Variants in PREX1 observed in about 807,000 individuals in gnomAD.
The protein encoded by PREX1 is phosphatidylinositol 3,4,5-trisphosphate-dependent Rac exchanger 1 protein.
In PREX1, 41 loss-of-function variants were observed where a neutral mutation model predicts 198.3. That is an observed-to-expected ratio of 0.21 (90% CI 0.16 to 0.27). The LOEUF is 0.27. PREX1 is among the 10% of genes least tolerant of loss of function. The pLI, the probability that PREX1 is intolerant of heterozygous loss-of-function variation, is 1.00. For missense variants in PREX1, 1,620 were observed against 2,200.7 expected (o/e 0.74, Z 5.28); for synonymous variants, 843 against 887.2 (o/e 0.95, Z 0.89).
At chr20:48,635,178 T>C (rs1456788904) in intron 32 of PREX1, among the ~76,000 whole-genome samples, 6 of 152,114 alleles carry the variant, frequency 3.9e-5, no homozygotes, top group African/African-American at 1.2e-4. Flanking sequence ...ATCCAAACCT[T>C]TGACTTCTCA....
chr20:48,885,771 TA>T, the PREX1 span, among the ~76,000 whole-genome samples: 2 of 152,076 alleles, frequency 1.3e-5, no homozygotes, highest in African/African-American at 4.8e-5. Flanking sequence ...GGAGGAAACT[TA>T]AATGCATATT....
intron 8 of PREX1, 117 bp downstream of exon 8, chr20:48,692,555 T>C (rs2089824745): frequency 1.2e-6 from 1 of 816,758 alleles, no homozygotes; most frequent in Admixed American, 2.6e-5. Context: ...GGCACTTTTC[T>C]GTAGGTAGAT....
intron 7 of PREX1, among the ~76,000 whole-genome samples, chr20:48,693,025 C>T (rs758603949): frequency 1.3e-5 from 2 of 152,170 alleles, no homozygotes; most frequent in Non-Finnish European, 2.9e-5. Context: ...GCTGACCCCA[C>T]AAAGCTACTT....
At chr20:48,707,132 G>A (rs759266619) in intron 6 of PREX1, among the ~76,000 whole-genome samples, 6 of 152,196 alleles carry the variant, frequency 3.9e-5, no homozygotes, top group Non-Finnish European at 7.3e-5. Context: ...CTCTTCTAAC[G>A]TTACCACGGA....
chr20:48,883,037 G>T, the PREX1 span, among the ~76,000 whole-genome samples: 1 of 150,864 alleles, frequency 6.6e-6, no homozygotes, highest in Non-Finnish European at 1.5e-5. Context: ...GGGTTCAAGC[G>T]ACTCTCTTGC....
At chr20:48,875,455 G>T in the PREX1 span, among the ~76,000 whole-genome samples, 1 of 152,250 alleles carries the variant, frequency 6.6e-6, no homozygotes, top group Middle Eastern at 3.4e-3. Flanking sequence ...GGAAAGGTGT[G>T]ACATGACCAC....
At chr20:48,796,305 TA>T (rs869122867) in intron 1 of PREX1, among the ~76,000 whole-genome samples, 5,855 of 133,864 alleles carry the variant, frequency 0.044, 298 homozygotes, top group African/African-American at 0.13. Flanking sequence ...TAATAATAAT[TA>T]AAAAAAAAAA....
At position 48,692,663 on chromosome 20, in the gene PREX1, A is replaced by AGG; in HGVS notation, c.1036+7_1036+8dup. ...GGCAGGGCTCAGGCAAGGCTGGGGG[A>AGG]GGGGCTACCTGTCCCATCTTCCACA... On this transcript the variant is annotated intron_variant, in intron 8 of 39. Transcript: ENST00000371941. 6.2e-7 allele frequency: 1 copy of AGG among 1,608,364 alleles called. No individual in the cohort carries two copies. The highest frequency in any genetic ancestry group is 8.5e-7 in the Non-Finnish European group (1 of 1,174,958).
chr20:48,632,745 G>T lies in PREX1; in HGVS notation c.4268-106C>A, dbSNP rs1181701320. The T allele has an allele frequency of 1.7e-5, 22 of 1,293,362 alleles. 1 individual carries two copies. The highest frequency in any genetic ancestry group is 2.2e-5 in the Non-Finnish European group (20 of 923,816). The allele number at this position is 1,293,362 out of a possible 1,614,324, so 80.1% of individuals were successfully genotyped here. A position where few individuals can be genotyped will look rare whatever the true frequency, so the allele number is the denominator to read the frequency against. On this transcript the variant is annotated intron_variant, in intron 33 of 39. Transcript: ENST00000371941. The stretch of plus-strand genomic sequence containing the variant: ...TGGCACCTCCCTGCCCCCAGGTCCA[G>T]GGGGGCACCCTGGGACCTCCCTGTT...
rs1031083466 is a variant in PREX1, at chr20:48,827,793, C to T, written c.68G>A (p.Arg23Gln). The change falls in exon 1 of 40, where the codon CGG becomes CAG. Residue 23 changes from arginine to glutamine, a missense_variant. Arg to Gln is a conservative substitution (Grantham distance 43). This residue lies in a region of PREX1 where 96 missense variants were observed against 98.7 expected (regional missense o/e 0.97). Coordinates refer to ENST00000371941, the MANE Select transcript of PREX1 (RefSeq NM_020820.4). This position sits in a 1 kb window ranked among gnomAD's most constrained non-coding sequence, Gnocchi z 4.1. The stretch of plus-strand genomic sequence containing the variant: ...GCTGGGCGCCGCGGCGCCAGGGGCC[C>T]GGGGGTCCGGGTGGGCGCAGTCCCC... The part of the protein sequence containing the change: ...GAGDCAHPDP[R>Q]APGAAAPSSG... 5 of 1,093,998 alleles carry T rather than the reference C, an allele frequency of 4.6e-6. No homozygotes were observed. The highest frequency in any genetic ancestry group is 5.3e-5 in the Admixed American group (1 of 18,826). 67.8% of individuals were successfully genotyped at this position (1,093,998 alleles called of 1,614,324 possible).
At chr20:48,634,621 C>G in intron 33 of PREX1, 55 bp downstream of exon 33, 1 of 1,566,896 alleles carries the variant, frequency 6.4e-7, no homozygotes, top group Non-Finnish European at 8.8e-7. Context: ...AGAGAGCTGT[C>G]CCTTCCACCC....
chr20:48,732,632 A>G (rs1271638335), intron 4 of PREX1, among the ~76,000 whole-genome samples: 1 of 152,196 alleles, frequency 6.6e-6, no homozygotes, highest in East Asian at 1.9e-4. Flanking sequence ...GAAGTCATCA[A>G]AATCACCTGT....
At chr20:48,797,342 C>T (rs1042208839) in intron 1 of PREX1, among the ~76,000 whole-genome samples, 1 of 151,382 alleles carries the variant, frequency 6.6e-6, no homozygotes, top group African/African-American at 2.4e-5. Flanking sequence ...CTGCTCCCCC[C>T]AGACCCCCCC....
rs1191448175 is a variant in PREX1 at position 48,649,388 on chromosome 20, G to A, written c.3217C>T (p.Arg1073Cys). 19 of 1,614,142 alleles carry A rather than the reference G, an allele frequency of 1.2e-5. No homozygotes were observed. The highest frequency in any genetic ancestry group is 4.4e-5 in the South Asian group (4 of 91,088). ...TGCAGGTAGGCATCCTGGATCTCACGGTCCTCCTGCTTGAGTAGGAAGCTG... is the reference window on the plus strand; with the variant it reads ...TGCAGGTAGGCATCCTGGATCTCACAGTCCTCCTGCTTGAGTAGGAAGCTG... ...GLSFLLKQED[R>C]EIQDAYLQLF... is the part of the protein sequence containing the mutation. Residue 1073 changes from arginine to cysteine, a missense_variant, in exon 25 of 40, where the codon CGT (arginine) becomes TGT (cysteine). This residue lies in a region of PREX1 where 514 missense variants were observed against 611.6 expected (regional missense o/e 0.84). Coordinates refer to ENST00000371941, the MANE Select transcript of PREX1 (RefSeq NM_020820.4).
chr20:48,787,738 A>G (rs895073439), intron 1 of PREX1, among the ~76,000 whole-genome samples: 3 of 152,230 alleles, frequency 2.0e-5, no homozygotes, highest in Non-Finnish European at 2.9e-5. Flanking sequence ...CTGGTTGCAA[A>G]ATGTTCTGAA....
At chr20:48,769,277 G>A (rs993060854) in intron 1 of PREX1, among the ~76,000 whole-genome samples, 6 of 152,130 alleles carry the variant, frequency 3.9e-5, no homozygotes, top group Admixed American at 1.3e-4. Flanking sequence ...GTGGTGGTGC[G>A]GGGGAGGGGA....
chr20:48,820,511 G>A (rs763224662), intron 1 of PREX1, among the ~76,000 whole-genome samples: 4 of 152,190 alleles, frequency 2.6e-5, no homozygotes, highest in Non-Finnish European at 5.9e-5. Context: ...AGGGCAAACC[G>A]TATTATGCTA....
chr20:48,627,677 T>A, intron 38 of PREX1, 62 bp from the exon 39 acceptor site: 1 of 498,366 alleles, frequency 2.0e-6, no homozygotes, highest in Non-Finnish European at 3.2e-6. Flanking sequence ...GGAAGCACAC[T>A]GGGGGGTGGG....
intron 2 of PREX1, among the ~76,000 whole-genome samples, chr20:48,746,258 G>C (rs1438252280): frequency 6.6e-6 from 1 of 152,112 alleles, no homozygotes; most frequent in Non-Finnish European, 1.5e-5. Context: ...CCTGAGCTCA[G>C]GCAATCTGCC....
Sources: gnomAD v4.1 joint callset for allele counts (sites outside exome capture counted in the v4.1 genomes callset) on GRCh38, gnomAD v4.1.1 for gene constraint, gnomAD v4.1.1 regional missense constraint, Gnocchi (gnomAD v3.1) non-coding constraint, MANE v1.5 for transcripts, NCBI Gene and HGNC (gene_info 2026-07-23, HGNC 2026-07-21) for gene names.